TNFAIP8: variants seen among roughly 807,000 people sequenced by gnomAD.
TNFAIP8 encodes the protein tumor necrosis factor alpha-induced protein 8.
A neutral mutation model predicts 13.3 loss-of-function variants in TNFAIP8; 7 were observed. The observed-to-expected ratio is 0.52, with a 90% CI of 0.30 to 0.99. TNFAIP8 has a LOEUF of 0.99. Ranked by LOEUF, TNFAIP8 falls within the 50% of genes least tolerant of loss-of-function variation. The probability of loss-of-function intolerance (pLI) is 0.07; values close to 1 mark genes in which losing one functional copy is unlikely to be tolerated. For missense variants in TNFAIP8, 258 were observed against 236.9 expected, an observed-to-expected ratio of 1.09 and a Z score of -0.58; for synonymous variants, 94 against 87.6, an observed-to-expected ratio of 1.07 and a Z score of -0.41.
At chr5:119,327,553 G>T (rs774836195) in intron 1 of TNFAIP8, among the ~76,000 whole-genome samples, 2 of 152,132 alleles carry the variant, frequency 1.3e-5, no homozygotes, top group Non-Finnish European at 2.9e-5. Context: ...CTGCCTCCTG[G>T]GCTCAAGCGA....
At chr5:119,339,085 G>A (rs1378856303) in intron 1 of TNFAIP8, among the ~76,000 whole-genome samples, 2 of 152,000 alleles carry the variant, frequency 1.3e-5, no homozygotes, top group Non-Finnish European at 2.9e-5. Context: ...TGCCTTCTGT[G>A]ATTGAGCTTC....
chr5:119,353,257 C>A (rs1041047315), upstream of TNFAIP8, among the ~76,000 whole-genome samples: 20 of 152,238 alleles, frequency 1.3e-4, no homozygotes, highest in African/African-American at 4.8e-4. Context: ...CCATTATTCA[C>A]TGGGGCTAAG....
At chr5:119,293,251 C>T (rs1365726237) in intron 1 of TNFAIP8, among the ~76,000 whole-genome samples, 1 of 151,968 alleles carries the variant, frequency 6.6e-6, no homozygotes, top group Admixed American at 6.6e-5. Flanking sequence ...TTCAAATGTA[C>T]AATAGATTGT....
At chr5:119,301,324 T>C (rs1749384446) in intron 1 of TNFAIP8, among the ~76,000 whole-genome samples, 1 of 152,188 alleles carries the variant, frequency 6.6e-6, no homozygotes, top group Admixed American at 6.5e-5. Flanking sequence ...TACCCCTCTG[T>C]CAGTTGGCTT....
chr5:119,367,605 A>C (rs1562022677), intron 1 of TNFAIP8, among the ~76,000 whole-genome samples: 1 of 152,284 alleles, frequency 6.6e-6, no homozygotes, highest in African/African-American at 2.4e-5. Context: ...AAAATGTTTG[A>C]TGTTGTTTTT....
chr5:119,350,101 T>C, intron 1 of TNFAIP8, among the ~76,000 whole-genome samples: 1 of 152,198 alleles, frequency 6.6e-6, no homozygotes, highest in Admixed American at 6.5e-5. Flanking sequence ...AAATAAAACC[T>C]AATACAAGAC....
intron 1 of TNFAIP8, among the ~76,000 whole-genome samples, chr5:119,366,113 A>T (rs1256009629): frequency 6.6e-6 from 1 of 151,442 alleles, no homozygotes; most frequent in Non-Finnish European, 1.5e-5. Context: ...GTGGAGAGAG[A>T]GAGGAAGGGA....
chr5:119,372,630 GAC>G (rs1194626775), intron 1 of TNFAIP8, among the ~76,000 whole-genome samples: 1 of 152,130 alleles, frequency 6.6e-6, no homozygotes, highest in African/African-American at 2.4e-5. Context: ...AATACAAGTT[GAC>G]CATCATAAAT....
chr5:119,312,282 G>T (rs1749754200), intron 1 of TNFAIP8, among the ~76,000 whole-genome samples: 1 of 152,204 alleles, frequency 6.6e-6, no homozygotes, highest in East Asian at 1.9e-4. Flanking sequence ...TTCTGCTATT[G>T]TAACTTGGCA....
At chr5:119,340,012 G>T (rs772024878) in intron 1 of TNFAIP8, among the ~76,000 whole-genome samples, 1 of 152,212 alleles carries the variant, frequency 6.6e-6, no homozygotes, top group Non-Finnish European at 1.5e-5. Flanking sequence ...GAGTGCTCCA[G>T]GAGGATGGCT....
chr5:119,329,243 A>G (rs1750305982), intron 1 of TNFAIP8, among the ~76,000 whole-genome samples: 1 of 152,238 alleles, frequency 6.6e-6, no homozygotes, highest in African/African-American at 2.4e-5. Flanking sequence ...AAATTAGAAG[A>G]TAGTCTTCTT....
At chr5:119,291,338 A>G (rs1045473069) in intron 1 of TNFAIP8, among the ~76,000 whole-genome samples, 12 of 152,230 alleles carry the variant, frequency 7.9e-5, no homozygotes, top group African/African-American at 2.9e-4. Flanking sequence ...ACATGTGTGT[A>G]CAGCCACTGT....
intron 1 of TNFAIP8, among the ~76,000 whole-genome samples, chr5:119,342,512 G>A (rs948196646): frequency 2.0e-5 from 3 of 149,616 alleles, no homozygotes; most frequent in African/African-American, 7.7e-5. Context: ...TAAATTTGCA[G>A]GGTTTTTTTT....
chr5:119,318,259 G>C (rs1749956422), intron 1 of TNFAIP8, among the ~76,000 whole-genome samples: 1 of 150,632 alleles, frequency 6.6e-6, no homozygotes, highest in South Asian at 2.1e-4. Context: ...GGTACCTTTA[G>C]TGCTCTATAT....
In TNFAIP8 at chr5:119,384,756, T is replaced by A. The variant is rs560779479; in HGVS notation, c.32-8060T>A. The stretch of plus-strand genomic sequence containing the variant: ...CTGCTTTATACTAACATCACCAAAC[T>A]TTCTTCCATTACTGGTATCAGAAAC... On this transcript the variant is annotated intron_variant, in intron 1 of 1. Transcript: ENST00000504771. Among the ~76,000 whole-genome samples, 3 of 152,302 alleles carry A rather than the reference T, an allele frequency of 2.0e-5. No homozygotes were observed. The South Asian group carries it at 6.2e-4, about 32-fold the overall frequency.
chr5:119,386,918 A>G (rs1580449278), intron 1 of TNFAIP8, among the ~76,000 whole-genome samples: 1 of 151,894 alleles, frequency 6.6e-6, no homozygotes, highest in Non-Finnish European at 1.5e-5. Flanking sequence ...CTTCCAGGGC[A>G]GCCCCCTTTA....
At chr5:119,343,289 T>C (rs1246276836) in intron 1 of TNFAIP8, among the ~76,000 whole-genome samples, 2 of 152,242 alleles carry the variant, frequency 1.3e-5, no homozygotes, top group African/African-American at 4.8e-5. Context: ...TCTGTGCATG[T>C]TGTAAAACAG....
chr5:119,331,501 G>A (rs1750378893), intron 1 of TNFAIP8, among the ~76,000 whole-genome samples: 1 of 152,250 alleles, frequency 6.6e-6, no homozygotes, highest in Non-Finnish European at 1.5e-5. Context: ...TTTGCTTTTT[G>A]TTCTCCTGTT....
intron 1 of TNFAIP8, among the ~76,000 whole-genome samples, chr5:119,368,461 G>A (rs1268239553): frequency 1.2e-5 from 1 of 85,110 alleles, no homozygotes; most frequent in Non-Finnish European, 2.5e-5. Context: ...GTGTGTGTGC[G>A]TGTGTGTGTT....
Sources: gnomAD v4.1 joint callset for allele counts (sites outside exome capture counted in the v4.1 genomes callset) on GRCh38, gnomAD v4.1.1 for gene constraint, MANE v1.5 for transcripts, NCBI Gene and HGNC (gene_info 2026-07-23, HGNC 2026-07-21) for gene names.